Variants in THAP4 observed in about 807,000 individuals in gnomAD.
The protein encoded by THAP4 is THAP domain containing 4.
Under a neutral mutation model 48.1 loss-of-function variants are expected in THAP4, and 18 were observed. The observed-to-expected ratio is 0.37, with a 90% CI of 0.26 to 0.56. THAP4 has a LOEUF of 0.56. THAP4 is among the 20% of genes least tolerant of loss of function. The pLI is 0.78. For synonymous variants in THAP4, 345 were observed against 324.9 expected (o/e 1.06, Z -0.66); for missense variants, 656 against 774.9 (o/e 0.85, Z 1.82).
At position 241,637,038 on chromosome 2, in the gene THAP4, C is replaced by T. The variant is rs1489950990; in HGVS notation, c.-21G>A. The T allele has an allele frequency of 1.6e-6, 2 of 1,238,694 alleles. No homozygotes were observed. Among genetic ancestry groups the T allele is most frequent in the Admixed American group, 2.5e-5 (1 of 39,394 alleles). 76.7% of individuals were successfully genotyped at this position (1,238,694 alleles called of 1,614,324 possible). A position where few individuals can be genotyped will look rare whatever the true frequency, so the allele number is the denominator to read the frequency against. ...ACCATCGCGGGCCTTGGCCCAGCCG[C>T]GCAGCCAGGCCCCGGCCCTAGCCGC... On this transcript the variant is annotated 5_prime_UTR_variant, in exon 1 of 6. Transcript: ENST00000407315.
chr2:241,623,041 C>T (rs1364492903), intron 2 of THAP4, among the ~76,000 whole-genome samples: 2 of 150,836 alleles, frequency 1.3e-5, no homozygotes, highest in Admixed American at 6.6e-5. Flanking sequence ...CATGGTGAAA[C>T]CCCGTCTCTA....
In THAP4 at chr2:241,610,223, G is replaced by A. The variant is rs1051821095; in HGVS notation, c.1241-3750C>T. 1.3e-5 allele frequency among the ~76,000 whole-genome samples: 2 copies of A among 152,200 alleles called. No individual in the cohort carries two copies. The highest frequency in any genetic ancestry group is 4.8e-5 in the African/African-American group (2 of 41,460). On this transcript the variant is annotated intron_variant, in intron 2 of 5. Coordinates refer to ENST00000407315, the MANE Select transcript of THAP4 (RefSeq NM_015963.6). The surrounding 1 kb of genome is among the most constrained non-coding windows in gnomAD (Gnocchi z 4.2). The stretch of plus-strand genomic sequence containing the variant: ...AGCCCCGGGCTAGGGTGAGGGGCAC[G>A]CGCCGCAAGTCCTGCCTCTGCTCCC...
chr2:241,588,735 GA>G lies in THAP4; in HGVS notation c.1615-4011del, dbSNP rs1347674140. Among the ~76,000 whole-genome samples the G allele has an allele frequency of 2.0e-5, 3 of 152,182 alleles. No individual in the cohort carries two copies. In the East Asian group the frequency reaches 5.8e-4, roughly 29 times the overall value. On this transcript the variant is annotated intron_variant, in intron 5 of 5. Coordinates refer to ENST00000407315, the MANE Select transcript of THAP4 (RefSeq NM_015963.6). ...CGAGGTATCTGTATGAGGAAAAATG[GA>G]AAAAACGTGACTACTACCTCATACC...
chr2:241,629,497 A>G (rs2067532516), intron 2 of THAP4, among the ~76,000 whole-genome samples: 1 of 151,642 alleles, frequency 6.6e-6, no homozygotes, highest in Admixed American at 6.6e-5. Context: ...AAAAGAAAAA[A>G]TTGAAACATA....
At chr2:241,619,187 G>A (rs2067381034) in intron 2 of THAP4, among the ~76,000 whole-genome samples, 1 of 152,208 alleles carries the variant, frequency 6.6e-6, no homozygotes, top group Non-Finnish European at 1.5e-5. Context: ...TGGAAGGCAT[G>A]CTCGGAGAAA....
chr2:241,632,052 A>T (rs887672422), intron 2 of THAP4, among the ~76,000 whole-genome samples: 11 of 150,856 alleles, frequency 7.3e-5, no homozygotes, highest in Non-Finnish European at 1.2e-4. Flanking sequence ...GCATTACAGG[A>T]GTGTGCCACC....
intron 5 of THAP4, among the ~76,000 whole-genome samples, chr2:241,586,847 A>G (rs138424777): frequency 2.1e-3 from 321 of 152,350 alleles, no homozygotes; most frequent in African/African-American, 7.0e-3. Flanking sequence ...CATAAGGGAC[A>G]CATTGAAAAT....
At chr2:241,619,616 T>G (rs1157871940) in intron 2 of THAP4, among the ~76,000 whole-genome samples, 1 of 152,252 alleles carries the variant, frequency 6.6e-6, no homozygotes, top group Admixed American at 6.5e-5. Context: ...ATAAGGCACT[T>G]ACCAGCACTG....
At chr2:241,584,756 A>T in intron 5 of THAP4, 31 bp from the exon 6 acceptor site, 1 of 1,613,936 alleles carries the variant, frequency 6.2e-7, no homozygotes, top group Non-Finnish European at 8.5e-7. Flanking sequence ...AAGATAGCTT[A>T]GTTTTATCTT....
chr2:241,593,401 T>A (rs1221117015), intron 5 of THAP4, among the ~76,000 whole-genome samples: 1 of 152,156 alleles, frequency 6.6e-6, no homozygotes, highest in Non-Finnish European at 1.5e-5. Context: ...CCGACTGGAA[T>A]GGCAGTGAAG....
intron 2 of THAP4, among the ~76,000 whole-genome samples, chr2:241,613,238 G>A (rs565942638): frequency 3.3e-5 from 5 of 149,810 alleles, no homozygotes; most frequent in Admixed American, 6.7e-5. Flanking sequence ...GAAATGATGC[G>A]GAAAGAAACC....
At chr2:241,585,710 C>G (rs2066884995) in intron 5 of THAP4, among the ~76,000 whole-genome samples, 1 of 151,636 alleles carries the variant, frequency 6.6e-6, no homozygotes, top group African/African-American at 2.4e-5. Context: ...TTCTCAGACT[C>G]ATGGAGCTGG....
chr2:241,599,279 C>T (rs796747794), intron 5 of THAP4, among the ~76,000 whole-genome samples: 10 of 151,388 alleles, frequency 6.6e-5, no homozygotes, highest in African/African-American at 2.2e-4. Context: ...ACCTTCTTAT[C>T]TACCAGTAAG....
chr2:241,611,137 G>A (rs921403944), intron 2 of THAP4, among the ~76,000 whole-genome samples: 1 of 152,208 alleles, frequency 6.6e-6, no homozygotes, highest in African/African-American at 2.4e-5. Context: ...GTGCCTCGCT[G>A]GAGGACAGGA....
intron 3 of THAP4, among the ~76,000 whole-genome samples, chr2:241,605,242 G>A (rs1261256811): frequency 1.3e-5 from 2 of 152,108 alleles, no homozygotes; most frequent in Non-Finnish European, 2.9e-5. Flanking sequence ...TCTTCTAAAA[G>A]GGGATGGAGG....
At chr2:241,626,757 C>T (rs1325293185) in intron 2 of THAP4, among the ~76,000 whole-genome samples, 3 of 151,932 alleles carry the variant, frequency 2.0e-5, no homozygotes, top group Non-Finnish European at 4.4e-5. Flanking sequence ...AGAGACAGGG[C>T]TTCACCCTGT....
At chr2:241,626,802 G>C (rs1225632409) in intron 2 of THAP4, among the ~76,000 whole-genome samples, 3 of 152,178 alleles carry the variant, frequency 2.0e-5, no homozygotes, top group Non-Finnish European at 4.4e-5. Context: ...GACCTTAAGT[G>C]ATCTGCCTGC....
chr2:241,633,755 G>A lies in THAP4; in HGVS notation c.402C>T (p.Asn134=). Residue 134 remains asparagine, a synonymous_variant, in exon 2 of 6, where the codon AAC becomes AAT. Transcript: ENST00000407315. The surrounding 1 kb of genome is among the most constrained non-coding windows in gnomAD (Gnocchi z 7.5). ...TGCGGGACTCTGGCTTGGCCATCGG[G>A]TTTCCACTCGAGGACGGTGACCAAC... ...AAGWSPSSSG[N]PMAKPESRRL... The A allele has an allele frequency of 1.2e-6, 2 of 1,612,532 alleles. No homozygotes were observed. Among genetic ancestry groups the A allele is most frequent in the Non-Finnish European group, 8.5e-7 (1 of 1,178,928 alleles).
intron 2 of THAP4, among the ~76,000 whole-genome samples, chr2:241,627,456 C>A (rs2067507631): frequency 6.6e-6 from 1 of 152,200 alleles, no homozygotes; most frequent in Non-Finnish European, 1.5e-5. Context: ...ACAATGTACC[C>A]TCAAGGAATC....
Sources: gnomAD v4.1 joint callset for allele counts (sites outside exome capture counted in the v4.1 genomes callset) on GRCh38, gnomAD v4.1.1 for gene constraint, Gnocchi (gnomAD v3.1) non-coding constraint, MANE v1.5 for transcripts, NCBI Gene and HGNC (gene_info 2026-07-23, HGNC 2026-07-21) for gene names.